Variants in SRRM1 observed in about 807,000 individuals in gnomAD.
SRRM1 encodes serine and arginine repetitive matrix 1.
A neutral mutation model predicts 110.2 loss-of-function variants in SRRM1; 19 were observed. That is an observed-to-expected ratio of 0.17 (90% CI 0.12 to 0.25). SRRM1 has a LOEUF of 0.25. Ranked by LOEUF, SRRM1 falls within the 10% of genes least tolerant of loss-of-function variation. SRRM1 has a pLI of 1.00. For missense variants in SRRM1, 918 were observed against 1,145.8 expected, an observed-to-expected ratio of 0.80 and a Z score of 2.87; for synonymous variants, 443 against 414.9, an observed-to-expected ratio of 1.07 and a Z score of -0.82.
In SRRM1 at chr1:24,662,731, A is replaced by C; in HGVS notation, c.1555A>C (p.Arg519=). 6.2e-7 allele frequency: 1 copy of C among 1,614,212 alleles called. No individual in the cohort carries two copies. The highest frequency in any genetic ancestry group is 8.5e-7 in the Non-Finnish European group (1 of 1,180,034). ...RSHVKNGEVG[R]RRRHSPSRSA... is the part of the protein sequence containing the mutation. ...CCATGTGAAGAATGGTGAGGTTGGC[A>C]GGCGGCGGAGACATTCCCCTTCCCG... Residue 519 remains arginine (R), a synonymous_variant, in exon 12 of 17, where the codon AGG becomes CGG. Transcript: ENST00000323848.
intron 9 of SRRM1, among the ~76,000 whole-genome samples, chr1:24,659,053 C>T (rs1354767544): frequency 2.0e-5 from 3 of 151,974 alleles, no homozygotes; most frequent in African/African-American, 7.2e-5. Flanking sequence ...ATTAGCCGGG[C>T]GTGGTTGGCG....
intron 13 of SRRM1, 141 bp from the exon 14 acceptor site, chr1:24,668,982 A>G: frequency 1.5e-6 from 1 of 658,438 alleles, no homozygotes; most frequent in Admixed American, 3.0e-5. Context: ...TTAAGTGAGA[A>G]TATAAAGATA....
intron 16 of SRRM1, 38 bp from the exon 17 acceptor site, chr1:24,672,144 G>T (rs745887642): frequency 6.7e-7 from 1 of 1,491,266 alleles, no homozygotes; most frequent in Non-Finnish European, 9.2e-7. Context: ...TCCCACCAGG[G>T]TCTCAAGACT....
At chr1:24,662,073 G>C (rs1239320083) in intron 11 of SRRM1, among the ~76,000 whole-genome samples, 6 of 152,134 alleles carry the variant, frequency 3.9e-5, no homozygotes, top group Non-Finnish European at 7.4e-5. Context: ...CTGGGAGCCT[G>C]GGCAACAGAG....
At chr1:24,666,741 G>A (rs1670185317) in intron 12 of SRRM1, 74 bp from the exon 13 acceptor site, 2 of 1,211,130 alleles carry the variant, frequency 1.7e-6, no homozygotes, top group Admixed American at 2.0e-5. Flanking sequence ...CTCCAGCCTG[G>A]GCGACAGAGT....
chr1:24,669,629 G>T (rs1334523287), intron 14 of SRRM1, 42 bp downstream of exon 14: 1 of 1,424,076 alleles, frequency 7.0e-7, no homozygotes. Context: ...TACTTACATA[G>T]CTGTTTATAT....
At chr1:24,645,955 T>A in intron 1 of SRRM1, 29 bp from the exon 2 acceptor site, 1 of 1,591,146 alleles carries the variant, frequency 6.3e-7, no homozygotes, top group Non-Finnish European at 8.6e-7. Flanking sequence ...CTTTGAACCC[T>A]TAGTTAAGAT....
Position 24,662,823 on chromosome 1 carries a change from T to C in SRRM1, c.1628+19T>C, listed in dbSNP as rs759200575. ...CCCCTCGGTAACATCTTTGCTTCAG[T>C]GATGTTCACTGATGTTCTGTAATTG... On this transcript the variant is annotated intron_variant, in intron 12 of 16. Coordinates refer to ENST00000323848, the MANE Select transcript of SRRM1 (RefSeq NM_005839.4). 6.2e-7 allele frequency: 1 copy of C among 1,608,952 alleles called. No homozygotes were observed. The highest frequency in any genetic ancestry group is 2.2e-5 in the East Asian group (1 of 44,792).
At chr1:24,662,621 C>A in intron 11 of SRRM1, 39 bp from the exon 12 acceptor site, 1 of 1,600,792 alleles carries the variant, frequency 6.2e-7, no homozygotes, top group East Asian at 2.3e-5. Flanking sequence ...GATTCAAGCA[C>A]AAACCTAATG....
intron 13 of SRRM1, among the ~76,000 whole-genome samples, chr1:24,668,546 A>T (rs111298453): frequency 7.6e-4 from 116 of 152,332 alleles, no homozygotes; most frequent in African/African-American, 2.6e-3. Context: ...GAAATTAGGC[A>T]GTTTGGCCTG....
In SRRM1 at chr1:24,670,219, A is replaced by T. The variant is rs1672036492; in HGVS notation, c.2304A>T (p.Pro768=). ...EPAAKKPPAP[P]SPVQSQSPST... ...CAGCTAAAAAGCCCCCAGCACCTCC[A>T]TCCCCCGTCCAGTCTCAGTCACCGT... is the stretch of plus-strand genomic sequence containing the variant. The change falls in exon 15 of 17, where the codon CCA becomes CCT. Residue 768 remains proline, a synonymous_variant. Coordinates refer to ENST00000323848, the MANE Select transcript of SRRM1 (RefSeq NM_005839.4). The T allele has an allele frequency of 5.6e-6, 9 of 1,613,984 alleles. No homozygotes were observed. The highest frequency in any genetic ancestry group is 4.0e-5 in the African/African-American group (3 of 74,978).
At chr1:24,645,159 C>T (rs1382104943) in intron 1 of SRRM1, among the ~76,000 whole-genome samples, 2 of 152,136 alleles carry the variant, frequency 1.3e-5, no homozygotes, top group Non-Finnish European at 2.9e-5. Flanking sequence ...GGTTTCTATA[C>T]CTCTATTTTA....
intron 12 of SRRM1, chr1:24,663,093 A>G: frequency 8.1e-7 from 1 of 1,232,670 alleles, no homozygotes; most frequent in Non-Finnish European, 1.1e-6. Context: ...TGAATATTTA[A>G]AAATGTCTCC....
At chr1:24,643,452 G>C in intron 1 of SRRM1, 105 bp downstream of exon 1, 1 of 839,568 alleles carries the variant, frequency 1.2e-6, no homozygotes, top group Non-Finnish European at 1.7e-6. Context: ...GAGCTTCGGA[G>C]ATCTTAAGGA....
chr1:24,665,018 A>G (rs1669214251), intron 12 of SRRM1, among the ~76,000 whole-genome samples: 1 of 151,988 alleles, frequency 6.6e-6, no homozygotes. Context: ...AAAGTATTTT[A>G]AGTTATATAC....
intron 6 of SRRM1, among the ~76,000 whole-genome samples, chr1:24,652,038 A>ATATATATG (rs1553167354): frequency 8.8e-6 from 1 of 114,052 alleles, no homozygotes; most frequent in Non-Finnish European, 1.7e-5. Flanking sequence ...AAATATATAT[A>ATATATATG]TATATATATA....
At chr1:24,648,572 C>T in intron 3 of SRRM1, 1 of 252,762 alleles carries the variant, frequency 4.0e-6, no homozygotes, top group Non-Finnish European at 7.4e-6. Flanking sequence ...AATGTAAGGC[C>T]CACTAACAGC....
chr1:24,655,597 T>A (rs1557689995), intron 9 of SRRM1, among the ~76,000 whole-genome samples: 1 of 152,192 alleles, frequency 6.6e-6, no homozygotes, highest in Non-Finnish European at 1.5e-5. Context: ...TTTGTTTTTT[T>A]AATTTAGGTT....
intron 6 of SRRM1, among the ~76,000 whole-genome samples, chr1:24,652,032 AT>A (rs1557670693): frequency 0.012 from 919 of 76,734 alleles, 13 homozygotes; most frequent in African/African-American, 0.064. Flanking sequence ...TACTAAAAAT[AT>A]ATATATATAT....
Sources: allele counts gnomAD v4.1 joint callset (sites outside exome capture counted in the v4.1 genomes callset), GRCh38; gene constraint gnomAD v4.1.1; transcripts MANE v1.5; gene names NCBI Gene and HGNC (gene_info 2026-07-23, HGNC 2026-07-21).